RTL4: variants seen among roughly 807,000 people sequenced by gnomAD.
RTL4 encodes retrotransposon Gag-like protein 4.
Under a neutral mutation model 5.3 loss-of-function variants are expected in RTL4, and 4 were observed. That is an observed-to-expected ratio of 0.75 (90% CI 0.37 to 1.72). The LOEUF (loss-of-function observed/expected upper bound fraction) is 1.72. Among genes scored for constraint, RTL4 ranks in the 40% most tolerant of loss-of-function variants. The probability of loss-of-function intolerance (pLI) is 0.04; values close to 1 mark genes in which losing one functional copy is unlikely to be tolerated. For synonymous variants in RTL4, 98 were observed against 87.3 expected (o/e 1.12, Z -0.68); for missense variants, 260 against 227.1 (o/e 1.14, Z -0.93).
the RTL4 span, among the ~76,000 whole-genome samples, chrX:112,214,139 G>C: frequency 9.0e-6 from 1 of 111,541 alleles, no homozygotes; most frequent in African/African-American, 3.3e-5. Flanking sequence ...TTTATCTTGT[G>C]TAACTAAAAC....
At chrX:112,233,371 A>ATTT in the RTL4 span, among the ~76,000 whole-genome samples, 18 of 106,850 alleles carry the variant, frequency 1.7e-4, no homozygotes, top group South Asian at 8.1e-4. Context: ...GTCTAAACAC[A>ATTT]TTTTTTTTTT....
chrX:112,378,349 C>T, the RTL4 span, among the ~76,000 whole-genome samples: 1 of 111,752 alleles, frequency 8.9e-6, no homozygotes, highest in Admixed American at 9.5e-5. Flanking sequence ...TGAGCCTGAA[C>T]ACACTGAGTC....
chrX:112,197,858 TA>T, the RTL4 span, among the ~76,000 whole-genome samples: 1 of 111,985 alleles, frequency 8.9e-6, no homozygotes, highest in Admixed American at 9.5e-5. Context: ...GTGGGGGAAA[TA>T]AAGAAAATTA....
the RTL4 span, among the ~76,000 whole-genome samples, chrX:112,311,201 G>T: frequency 1.8e-5 from 2 of 110,378 alleles, no homozygotes; most frequent in Admixed American, 2.0e-4. Flanking sequence ...AGTAGGCATT[G>T]TGTGTGATAA....
the RTL4 span, among the ~76,000 whole-genome samples, chrX:112,109,916 C>G: frequency 2.7e-5 from 3 of 111,810 alleles, no homozygotes; most frequent in Non-Finnish European, 5.6e-5. Flanking sequence ...TCCAGAGGTC[C>G]TTGGTAGAAG....
chrX:112,406,481 T>C, the RTL4 span, among the ~76,000 whole-genome samples: 2 of 110,992 alleles, frequency 1.8e-5, no homozygotes, highest in African/African-American at 6.6e-5. Flanking sequence ...CTCACTATCA[T>C]GAGGACAGTA....
the RTL4 span, among the ~76,000 whole-genome samples, chrX:112,438,934 C>T: frequency 3.8e-4 from 43 of 111,882 alleles, no homozygotes; most frequent in African/African-American, 1.4e-3. Flanking sequence ...CTCGGAAGCC[C>T]TAACCCAGCA....
chrX:112,188,378 C>G, the RTL4 span, among the ~76,000 whole-genome samples: 5 of 112,048 alleles, frequency 4.5e-5, no homozygotes, highest in African/African-American at 1.3e-4. Context: ...AAGCCTTATT[C>G]ATGGGCACCA....
At chrX:112,086,690 C>T in the RTL4 span, among the ~76,000 whole-genome samples, 1 of 111,950 alleles carries the variant, frequency 8.9e-6, no homozygotes, top group East Asian at 2.8e-4. Flanking sequence ...CCCAATACCA[C>T]GTATATATAT....
At chrX:112,390,109 ATATATATATATATATATATATATATATAT>A in the RTL4 span, among the ~76,000 whole-genome samples, 1 of 1,366 alleles carries the variant, frequency 7.3e-4, no homozygotes, top group African/African-American at 1.9e-3. Context: ...TATATATAAT[ATATATATATATATATATATATATATATAT>A]ATATATATAT....
chrX:112,113,202 G>A, the RTL4 span, among the ~76,000 whole-genome samples: 1 of 110,341 alleles, frequency 9.1e-6, no homozygotes, highest in African/African-American at 3.3e-5. Flanking sequence ...GACTGGGCGG[G>A]CATTTTTTGC....
chrX:112,445,226 C>A, the RTL4 span, among the ~76,000 whole-genome samples: 1 of 112,101 alleles, frequency 8.9e-6, no homozygotes, highest in African/African-American at 3.2e-5. Context: ...TCTTTCCCTG[C>A]AATATCTGTA....
At chrX:112,228,515 T>C in the RTL4 span, among the ~76,000 whole-genome samples, 1 of 112,708 alleles carries the variant, frequency 8.9e-6, no homozygotes, top group Non-Finnish European at 1.9e-5. Flanking sequence ...TACACTATCA[T>C]ACATAGTTAC....
the RTL4 span, among the ~76,000 whole-genome samples, chrX:112,096,642 A>G: frequency 8.9e-6 from 1 of 111,825 alleles, no homozygotes; most frequent in Non-Finnish European, 1.9e-5. Context: ...CATCTACACT[A>G]AACAATATGG....
chrX:112,447,685 G>A, the RTL4 span, among the ~76,000 whole-genome samples: 1 of 111,944 alleles, frequency 8.9e-6, no homozygotes, highest in Admixed American at 9.5e-5. Flanking sequence ...GGAACAGTAG[G>A]AAAATATTCA....
the RTL4 span, among the ~76,000 whole-genome samples, chrX:112,168,965 T>C: frequency 2.2e-5 from 2 of 92,323 alleles, no homozygotes; most frequent in Non-Finnish European, 4.4e-5. Flanking sequence ...CTTTCTTTCT[T>C]TTTCTTTCTT....
At chrX:112,397,137 C>G in the RTL4 span, among the ~76,000 whole-genome samples, 1 of 111,845 alleles carries the variant, frequency 8.9e-6, no homozygotes, top group South Asian at 3.7e-4. Context: ...TACATACAGT[C>G]ATTTCTTGGT....
chrX:112,234,458 C>A, the RTL4 span, among the ~76,000 whole-genome samples: 4 of 111,103 alleles, frequency 3.6e-5, no homozygotes, highest in African/African-American at 1.3e-4. Flanking sequence ...GTAGGCCATA[C>A]CCCTCCACTG....
At chrX:112,288,577 C>A in the RTL4 span, among the ~76,000 whole-genome samples, 4 of 112,080 alleles carry the variant, frequency 3.6e-5, no homozygotes, top group Non-Finnish European at 5.6e-5. Flanking sequence ...CACTTTGTAT[C>A]AATCTGGGTA....
Sources: allele counts gnomAD v4.1 joint callset (sites outside exome capture counted in the v4.1 genomes callset), GRCh38; gene constraint gnomAD v4.1.1; transcripts MANE v1.5; gene names NCBI Gene and HGNC (gene_info 2026-07-23, HGNC 2026-07-21).